The following UNC79 variants were observed in gnomAD, a reference collection of about 807,000 sequenced individuals.
UNC79 encodes the protein unc-79 subunit of NALCN channel complex, also known as protein unc-79 homolog.
UNC79 carries 37 observed loss-of-function variants against 283.1 expected under a neutral mutation model. The observed-to-expected ratio is 0.13, with a 90% CI of 0.10 to 0.17. The LOEUF (loss-of-function observed/expected upper bound fraction) is 0.17. Ranked by LOEUF, UNC79 falls within the 10% of genes least tolerant of loss-of-function variation. The pLI is 1.00. For synonymous variants in UNC79, 1,107 were observed against 1,200.2 expected, an observed-to-expected ratio of 0.92 and a Z score of 1.61; for missense variants, 2,272 against 3,211.1, an observed-to-expected ratio of 0.71 and a Z score of 7.07.
intron 26 of UNC79, among the ~76,000 whole-genome samples, chr14:93,611,469 G>A (rs1401819986): frequency 1.3e-5 from 2 of 152,142 alleles, no homozygotes; most frequent in Non-Finnish European, 2.9e-5. Context: ...GGTCTGAACT[G>A]GTAAATTCCG....
intron 7 of UNC79, among the ~76,000 whole-genome samples, chr14:93,505,477 C>A (rs2059487920): frequency 6.6e-6 from 1 of 152,036 alleles, no homozygotes; most frequent in Admixed American, 6.5e-5. Context: ...TGTAGCTATA[C>A]CAGCTTTCAT....
At chr14:93,680,640 G>T (rs745595631) in intron 41 of UNC79, among the ~76,000 whole-genome samples, 2 of 152,032 alleles carry the variant, frequency 1.3e-5, no homozygotes, top group Non-Finnish European at 2.9e-5. Context: ...GCCCAGGCTG[G>T]AGTGCAGTGG....
exon 20 of UNC79, chr14:93,582,275 G>A: frequency 6.2e-7 from 1 of 1,614,190 alleles, no homozygotes. Flanking sequence ...TGAAGGGGAG[G>A]AGGAGGAGAA....
chr14:93,592,364 C>T (rs1425938081), intron 22 of UNC79, among the ~76,000 whole-genome samples: 3 of 151,742 alleles, frequency 2.0e-5, no homozygotes, highest in East Asian at 1.9e-4. Context: ...TTAGTAGAGA[C>T]GGAGTTTCAC....
rs1014523055 is a variant in UNC79 at position 93,487,600 on chromosome 14, G to A, written c.620-63G>A. On this transcript the variant is annotated intron_variant, in intron 4 of 48. Coordinates refer to ENST00000555664, the Ensembl canonical transcript of UNC79. ...AGTTCCTTCTTATCTCTCATGCTCT[G>A]TGCAAAGTAACAGGTATATGTAGAG... 1.6e-5 allele frequency: 22 copies of A among 1,379,322 alleles called. No homozygotes were observed. The East Asian group carries it at 4.6e-4, about 29-fold the overall frequency. 85.4% of individuals were successfully genotyped at this position (1,379,322 alleles called of 1,614,324 possible).
At chr14:93,543,451 T>G (rs2141214489) in intron 14 of UNC79, among the ~76,000 whole-genome samples, 1 of 149,920 alleles carries the variant, frequency 6.7e-6, no homozygotes, top group East Asian at 2.0e-4. Context: ...GTAGTCATAC[T>G]CACAGCAGCT....
In UNC79 at chr14:93,532,542, C is replaced by T. The variant is rs74859443; in HGVS notation, c.1094-8C>T. On this transcript the variant is annotated splice_region_variant and splice_polypyrimidine_tract_variant and intron_variant, in intron 10 of 48. Transcript: ENST00000555664. ...TTTGTTGATATTTTGTGTGCCTTCC[C>T]CTTACAGCTGAAATATCTGCTATAT... is the stretch of plus-strand genomic sequence containing the variant. 1.1e-3 allele frequency: 1,754 copies of T among 1,610,082 alleles called. 4 individuals carry two copies. Among genetic ancestry groups the T allele is most frequent in the Admixed American group, 2.4e-3 (141 of 59,922 alleles).
At chr14:93,502,035 G>T (rs990627199) in intron 7 of UNC79, among the ~76,000 whole-genome samples, 1 of 152,156 alleles carries the variant, frequency 6.6e-6, no homozygotes, top group African/African-American at 2.4e-5. Context: ...CAAATAATAA[G>T]AATTTGGTGA....
exon 34 of UNC79, chr14:93,643,668 G>A (rs776388732): frequency 3.1e-6 from 5 of 1,612,984 alleles, no homozygotes. Flanking sequence ...CAGCCCCGCT[G>A]CTGCTGGATA....
At chr14:93,517,903 GTGTGTGTGTGTGTGTC>G (rs892129054) in intron 7 of UNC79, among the ~76,000 whole-genome samples, 3 of 105,682 alleles carry the variant, frequency 2.8e-5, no homozygotes, top group Non-Finnish European at 6.0e-5. Flanking sequence ...ATATGTGAGT[GTGTGTGTGTGTGTGTC>G]TGTGTGTGTG....
At chr14:93,448,673 G>A (rs2056540121) in intron 1 of UNC79, among the ~76,000 whole-genome samples, 1 of 152,158 alleles carries the variant, frequency 6.6e-6, no homozygotes, top group African/African-American at 2.4e-5. Flanking sequence ...TGCTTTATGG[G>A]TAATTTTCCT....
chr14:93,473,527 A>C (rs769256602), intron 2 of UNC79, among the ~76,000 whole-genome samples: 4 of 152,224 alleles, frequency 2.6e-5, no homozygotes, highest in Non-Finnish European at 4.4e-5. Flanking sequence ...ACAGTATCAT[A>C]ATATACATAT....
In UNC79 at chr14:93,439,069, A is replaced by T. The variant is rs184907793; in HGVS notation, c.22+8018A>T. On this transcript the variant is annotated intron_variant, in intron 1 of 48. Coordinates refer to ENST00000555664, the Ensembl canonical transcript of UNC79. ...TATGCTGATTTTATAACTTTATTTT[A>T]CTAAATTATTTTCTTTTTGTAGTCA... Among the ~76,000 whole-genome samples the T allele has an allele frequency of 1.9e-3, 295 of 152,118 alleles. 1 individual carries two copies. Among genetic ancestry groups the T allele is most frequent in the Middle Eastern group, 3.4e-3 (1 of 294 alleles).
At position 93,643,739 on chromosome 14, in the gene UNC79, A is replaced by G. The variant is rs201919567; in HGVS notation, c.6044+42A>G. On this transcript the variant is annotated intron_variant, in intron 34 of 48. Transcript: ENST00000555664. ...GTTTTGTTTGGTAGGAAGGTCCTTT[A>G]TTCAGTCTCTATCTTGAACTAAAAA... 7.9e-4 allele frequency: 1,276 copies of G among 1,605,576 alleles called. 1 individual carries two copies. Among genetic ancestry groups the G allele is most frequent in the Non-Finnish European group, 9.7e-4 (1,138 of 1,177,632 alleles).
chr14:93,624,791 T>C (rs1364693230), intron 30 of UNC79, among the ~76,000 whole-genome samples: 1 of 152,150 alleles, frequency 6.6e-6, no homozygotes, highest in Non-Finnish European at 1.5e-5. Context: ...TCCCGTGTGC[T>C]CAGAGCATGA....
chr14:93,702,076 A>G (rs1175086234), intron 47 of UNC79, among the ~76,000 whole-genome samples: 1 of 152,212 alleles, frequency 6.6e-6, no homozygotes, highest in Non-Finnish European at 1.5e-5. Context: ...TCAAAGGTCA[A>G]CAAAGTCTGT....
At chr14:93,638,372 G>C (rs1020002884) in intron 32 of UNC79, among the ~76,000 whole-genome samples, 8 of 152,290 alleles carry the variant, frequency 5.3e-5, no homozygotes, top group African/African-American at 1.9e-4. Flanking sequence ...TAGAAGTAAG[G>C]GTGGTTGAAC....
chr14:93,346,898 G>C (rs150052937), intron 1 of UNC79, among the ~76,000 whole-genome samples: 2,581 of 152,146 alleles, frequency 0.017, 83 homozygotes, highest in African/African-American at 0.06. Context: ...AGGGCTGGGA[G>C]GTTGCAGGGA....
At chr14:93,552,421 G>C (rs1595844107) in intron 14 of UNC79, among the ~76,000 whole-genome samples, 3 of 152,154 alleles carry the variant, frequency 2.0e-5, no homozygotes, top group Admixed American at 1.3e-4. Context: ...TAGGAAAAAG[G>C]TAGTAGCAAT....
Sources: gnomAD v4.1 joint callset for allele counts (sites outside exome capture counted in the v4.1 genomes callset) on GRCh38, gnomAD v4.1.1 for gene constraint, MANE v1.5 for transcripts, NCBI Gene and HGNC (gene_info 2026-07-23, HGNC 2026-07-21) for gene names.